L3MBTL4: variants seen among roughly 807,000 people sequenced by gnomAD.
The protein encoded by L3MBTL4 is lethal(3)malignant brain tumor-like protein 4.
L3MBTL4 carries 70 observed loss-of-function variants against 84.5 expected under a neutral mutation model. That is an observed-to-expected ratio of 0.83 (90% CI 0.68 to 1.01). The LOEUF (loss-of-function observed/expected upper bound fraction) is 1.01, where lower values mean the gene tolerates loss of function less well. L3MBTL4 is among the 50% of genes least tolerant of loss of function. The pLI is 0.00. For synonymous variants in L3MBTL4, 274 were observed against 259.8 expected, an observed-to-expected ratio of 1.05 and a Z score of -0.52; for missense variants, 715 against 754.8, an observed-to-expected ratio of 0.95 and a Z score of 0.62.
At chr18:6,370,133 C>CAAAA (rs35835409) in intron 1 of L3MBTL4, among the ~76,000 whole-genome samples, 22 of 88,218 alleles carry the variant, frequency 2.5e-4, no homozygotes, top group Non-Finnish European at 3.6e-4. Flanking sequence ...GACTCGGTCT[C>CAAAA]AAAAAAAAAA....
chr18:6,062,759 A>C (rs1332820678), intron 16 of L3MBTL4, among the ~76,000 whole-genome samples: 1 of 150,126 alleles, frequency 6.7e-6, no homozygotes, highest in African/African-American at 2.4e-5. Context: ...AGTCATGTTG[A>C]CTCTGTTAAC....
chr18:6,095,107 C>A (rs1246723032), intron 14 of L3MBTL4, among the ~76,000 whole-genome samples: 2 of 152,104 alleles, frequency 1.3e-5, no homozygotes, highest in African/African-American at 4.8e-5. Flanking sequence ...TAAAAAGCTA[C>A]CCCTATTGAA....
At chr18:6,023,589 C>T (rs562754661) in intron 16 of L3MBTL4, among the ~76,000 whole-genome samples, 1 of 152,280 alleles carries the variant, frequency 6.6e-6, no homozygotes, top group South Asian at 2.1e-4. Flanking sequence ...AAGCACCATG[C>T]TGGACATTGT....
intron 14 of L3MBTL4, among the ~76,000 whole-genome samples, chr18:6,127,415 A>T (rs2059729816): frequency 6.6e-6 from 1 of 152,204 alleles, no homozygotes; most frequent in African/African-American, 2.4e-5. Context: ...GTTCTACATG[A>T]TGAACATGTT....
intron 18 of L3MBTL4, among the ~76,000 whole-genome samples, chr18:5,958,119 A>AAGC (rs1288188652): frequency 5.7e-5 from 3 of 52,632 alleles, no homozygotes; most frequent in African/African-American, 2.6e-4. Context: ...GAAGAAGAAG[A>AAGC]AGAAGAAGAA....
intron 16 of L3MBTL4, among the ~76,000 whole-genome samples, chr18:6,007,129 T>C (rs952573643): frequency 6.6e-6 from 1 of 151,632 alleles, no homozygotes; most frequent in African/African-American, 2.4e-5. Context: ...TAAACAAACA[T>C]AACGCTCACA....
At chr18:6,270,223 C>T (rs190627882) in intron 4 of L3MBTL4, among the ~76,000 whole-genome samples, 6 of 152,344 alleles carry the variant, frequency 3.9e-5, no homozygotes, top group Admixed American at 3.9e-4. Context: ...CAGCTGCAGA[C>T]TCACATTTTA....
At chr18:6,095,421 G>C (rs1335044833) in intron 14 of L3MBTL4, among the ~76,000 whole-genome samples, 1 of 148,698 alleles carries the variant, frequency 6.7e-6, no homozygotes, top group South Asian at 2.1e-4. Context: ...GATGATCTCG[G>C]CTCACTGCAA....
At chr18:6,252,686 A>G (rs2047975642) in intron 5 of L3MBTL4, among the ~76,000 whole-genome samples, 1 of 152,196 alleles carries the variant, frequency 6.6e-6, no homozygotes, top group Admixed American at 6.5e-5. Context: ...CCATGATAAG[A>G]CTCATATGTC....
intron 16 of L3MBTL4, among the ~76,000 whole-genome samples, chr18:5,980,646 G>T (rs1266812991): frequency 6.6e-6 from 1 of 151,938 alleles, no homozygotes; most frequent in Non-Finnish European, 1.5e-5. Flanking sequence ...TGGCCAGGCT[G>T]GTCTCGAACT....
At chr18:5,975,721 C>T (rs2052888817) in intron 16 of L3MBTL4, among the ~76,000 whole-genome samples, 1 of 152,204 alleles carries the variant, frequency 6.6e-6, no homozygotes, top group Admixed American at 6.5e-5. Context: ...ACAAGAGAGG[C>T]TTCACCATGA....
At chr18:6,154,446 T>A (rs2043018204) in intron 13 of L3MBTL4, among the ~76,000 whole-genome samples, 2 of 152,096 alleles carry the variant, frequency 1.3e-5, no homozygotes, top group Admixed American at 1.3e-4. Context: ...TAGCTACAAG[T>A]ATAGGTGATC....
chr18:6,355,998 A>G (rs2143882120), intron 1 of L3MBTL4, among the ~76,000 whole-genome samples: 1 of 152,242 alleles, frequency 6.6e-6, no homozygotes, highest in Non-Finnish European at 1.5e-5. Context: ...CAGGCTTGAG[A>G]CCTCTAGAGC....
chr18:6,319,121 T>C (rs1350910240), intron 1 of L3MBTL4, among the ~76,000 whole-genome samples: 2 of 152,086 alleles, frequency 1.3e-5, no homozygotes, highest in African/African-American at 4.8e-5. Flanking sequence ...CTCTGGGATA[T>C]AGCAAAAGCA....
chr18:6,345,770 T>C (rs2052867882), intron 1 of L3MBTL4, among the ~76,000 whole-genome samples: 1 of 152,114 alleles, frequency 6.6e-6, no homozygotes, highest in Non-Finnish European at 1.5e-5. Flanking sequence ...ACATATTCAA[T>C]GCATTCCTTA....
intron 12 of L3MBTL4, among the ~76,000 whole-genome samples, chr18:6,202,630 T>C (rs1356522236): frequency 6.6e-6 from 1 of 152,120 alleles, no homozygotes; most frequent in Non-Finnish European, 1.5e-5. Flanking sequence ...ATATATTGTC[T>C]GGAGTTAGTG....
At chr18:5,970,157 C>T (rs1472347720) in intron 16 of L3MBTL4, among the ~76,000 whole-genome samples, 2 of 152,224 alleles carry the variant, frequency 1.3e-5, no homozygotes, top group African/African-American at 2.4e-5. Flanking sequence ...CATGACCTCA[C>T]CTGGGGTGAC....
intron 16 of L3MBTL4, among the ~76,000 whole-genome samples, chr18:6,004,634 T>A (rs1215373649): frequency 6.6e-6 from 1 of 152,180 alleles, no homozygotes; most frequent in Non-Finnish European, 1.5e-5. Context: ...GATGAACAGA[T>A]AAATTATGTC....
At chr18:6,064,269 T>C (rs564759310) in intron 16 of L3MBTL4, among the ~76,000 whole-genome samples, 18 of 152,256 alleles carry the variant, frequency 1.2e-4, no homozygotes, top group African/African-American at 4.1e-4. Context: ...AGCCTTGTAG[T>C]ATAATTTGAA....
Sources: gnomAD v4.1 joint callset for allele counts (sites outside exome capture counted in the v4.1 genomes callset) on GRCh38, gnomAD v4.1.1 for gene constraint, MANE v1.5 for transcripts, NCBI Gene and HGNC (gene_info 2026-07-23, HGNC 2026-07-21) for gene names.